MAP7D1: variants seen among roughly 807,000 people sequenced by gnomAD.
MAP7D1 encodes the protein MAP7 domain-containing protein 1.
MAP7D1 carries 30 observed loss-of-function variants against 97.5 expected under a neutral mutation model. That is an observed-to-expected ratio of 0.31 (90% CI 0.23 to 0.42). MAP7D1 has a LOEUF of 0.42. MAP7D1 is among the 10% of genes least tolerant of loss of function. The probability of loss-of-function intolerance (pLI) is 1.00; values close to 1 mark genes in which losing one functional copy is unlikely to be tolerated. For synonymous variants in MAP7D1, 536 were observed against 477.1 expected (o/e 1.12, Z -1.61); for missense variants, 1,184 against 1,179.5 (o/e 1.00, Z -0.06).
intron 14 of MAP7D1, 34 bp downstream of exon 14, chr1:36,179,591 T>G: frequency 6.4e-7 from 1 of 1,555,316 alleles, no homozygotes; most frequent in Non-Finnish European, 8.7e-7. Flanking sequence ...TCCCTTCCCT[T>G]TGCCATCCTC....
At position 36,178,779 on chromosome 1, in the gene MAP7D1, A is replaced by G; in HGVS notation, c.1981A>G (p.Lys661Glu). The change falls in exon 11 of 17, where the codon AAG becomes GAG. Residue 661 changes from lysine (K) to glutamate (E), a missense_variant. Lys to Glu is a moderately conservative substitution (Grantham distance 56). Coordinates refer to ENST00000474796, the MANE Select transcript of MAP7D1 (RefSeq NM_001388490.1). ...RRREEQEARE[K>E]AQAEQEEQER... ...GCGGGAGGAGCAGGAGGCACGAGAG[A>G]AGGCGCAGGCCGAGCAGGAGGAGCA... 1 of 1,547,186 alleles carries G rather than the reference A, an allele frequency of 6.5e-7. No homozygotes were observed. Among genetic ancestry groups the G allele is most frequent in the Non-Finnish European group, 8.7e-7 (1 of 1,145,720 alleles).
rs1379375584 is a variant in MAP7D1 at position 36,178,542 on chromosome 1, G to T, written c.1832G>T (p.Arg611Leu). The T allele has an allele frequency of 6.3e-7, 1 of 1,597,430 alleles. No homozygotes were observed. Among genetic ancestry groups the T allele is most frequent in the Non-Finnish European group, 8.5e-7 (1 of 1,172,900 alleles). ...TTGGCTGAGAAGCGGCGCCAGGCCC[G>T]GGAGCAGCGGGAGCGCGAGGAGCAG... Reference protein sequence around the residue: ...RLLAEKRRQAREQREREEQER... With the variant: ...RLLAEKRRQALEQREREEQER... Residue 611 changes from arginine to leucine, a missense_variant, in exon 10 of 17, where the codon CGG (arginine) becomes CTG (leucine). By Grantham distance (102) the Arg-to-Leu change is moderately radical. Transcript: ENST00000474796.
In MAP7D1 at chr1:36,176,170, A is replaced by G. The variant is rs1044723985; in HGVS notation, c.851-29A>G. On this transcript the variant is annotated intron_variant, in intron 6 of 16. Transcript: ENST00000474796. This position sits in a 1 kb window ranked among gnomAD's most constrained non-coding sequence, Gnocchi z 6.1. ...CCTGCCTCCTACGGCCCCCACGGTG[A>G]CCGGCTTCGCCTGGCCTTCTACCCC... 2 of 1,599,718 alleles carry G rather than the reference A, an allele frequency of 1.3e-6. No individual in the cohort carries two copies. Among genetic ancestry groups the G allele is most frequent in the African/African-American group, 1.3e-5 (1 of 74,130 alleles).
In MAP7D1 at chr1:36,156,479, C is replaced by A; in HGVS notation, c.46+16C>A. ...GCACCCCCAGGTATGCCGGGAGCCA[C>A]GCGGAGGCGAGATGGGGGTAGATGG... On this transcript the variant is annotated intron_variant, in intron 1 of 16. Coordinates refer to ENST00000474796, the MANE Select transcript of MAP7D1 (RefSeq NM_001388490.1). 1.4e-6 allele frequency: 2 copies of A among 1,450,970 alleles called. No homozygotes were observed. Among genetic ancestry groups the A allele is most frequent in the Non-Finnish European group, 9.0e-7 (1 of 1,108,532 alleles). 89.9% of individuals were successfully genotyped at this position (1,450,970 alleles called of 1,614,324 possible).
chr1:36,156,767 C>G (rs1220523029), intron 1 of MAP7D1, among the ~76,000 whole-genome samples: 1 of 152,070 alleles, frequency 6.6e-6, no homozygotes, highest in African/African-American at 2.4e-5. Context: ...TTCCCCGCCC[C>G]CACGTCCCTT....
intron 5 of MAP7D1, among the ~76,000 whole-genome samples, chr1:36,173,887 T>G (rs1400817543): frequency 6.6e-6 from 1 of 152,226 alleles, no homozygotes; most frequent in African/African-American, 2.4e-5. Context: ...GGTCTGATTC[T>G]TTGCTGGCAT....
At chr1:36,161,109 A>G (rs929286958) in intron 1 of MAP7D1, among the ~76,000 whole-genome samples, 15 of 152,238 alleles carry the variant, frequency 9.9e-5, no homozygotes, top group African/African-American at 3.6e-4. Context: ...CAGCCGGGCC[A>G]GAGAGCTCCT....
At chr1:36,169,417 G>C (rs1246779960) in intron 1 of MAP7D1, among the ~76,000 whole-genome samples, 1 of 152,208 alleles carries the variant, frequency 6.6e-6, no homozygotes, top group Non-Finnish European at 1.5e-5. Flanking sequence ...TTAGCCAGGC[G>C]TGGTGGCGGG....
At position 36,176,375 on chromosome 1, in the gene MAP7D1, C is replaced by G. The variant is rs1196321815; in HGVS notation, c.1027C>G (p.Leu343Val). Residue 343 changes from leucine (L) to valine (V), a missense_variant, in exon 7 of 17, where the codon CTG becomes GTG. Transcript: ENST00000474796. The surrounding 1 kb of genome is among the most constrained non-coding windows in gnomAD (Gnocchi z 6.1). ...GPTWGRAGAS[L>V]ARGPQPDRTH... ...CACGTGGGGCCGGGCAGGGGCCAGCCTGGCGCGCGGGCCGCAACCCGACCG... is the reference window on the plus strand; with the variant it reads ...CACGTGGGGCCGGGCAGGGGCCAGCGTGGCGCGCGGGCCGCAACCCGACCG... The G allele has an allele frequency of 3.9e-6, 6 of 1,524,040 alleles. No homozygotes were observed. The highest frequency in any genetic ancestry group is 5.0e-5 in the East Asian group (2 of 39,682). The allele number at this position is 1,524,040 out of a possible 1,614,324, so 94.4% of individuals were successfully genotyped here.
rs767849679 is a variant in MAP7D1 at position 36,176,388 on chromosome 1, C to T, written c.1040C>T (p.Pro347Leu). ...GRAGASLARG[P>L]QPDRTHPSAA... Reference sequence around the variant, plus strand: ...GCAGGGGCCAGCCTGGCGCGCGGGCCGCAACCCGACCGCACTCATCCCTCT... The same window carrying T: ...GCAGGGGCCAGCCTGGCGCGCGGGCTGCAACCCGACCGCACTCATCCCTCT... Residue 347 changes from proline (P) to leucine (L), a missense_variant, in exon 7 of 17, where the codon CCG becomes CTG. Pro to Leu is a moderately conservative substitution (Grantham distance 98). Transcript: ENST00000474796. The surrounding 1 kb of genome is among the most constrained non-coding windows in gnomAD (Gnocchi z 6.1). 2.0e-6 allele frequency: 3 copies of T among 1,526,264 alleles called. No homozygotes were observed. Among genetic ancestry groups the T allele is most frequent in the Admixed American group, 2.0e-5 (1 of 49,854 alleles). 94.5% of individuals were successfully genotyped at this position (1,526,264 alleles called of 1,614,324 possible). A position where few individuals can be genotyped will look rare whatever the true frequency, so the allele number is the denominator to read the frequency against.
intron 1 of MAP7D1, among the ~76,000 whole-genome samples, chr1:36,161,416 G>T (rs984715490): frequency 3.9e-5 from 6 of 152,230 alleles, no homozygotes. Context: ...CTGGGATGCA[G>T]GCAGGGTAAA....
In MAP7D1 at chr1:36,176,462, C is replaced by T; in HGVS notation, c.1114C>T (p.Pro372Ser). 6.7e-7 allele frequency: 1 copy of T among 1,496,816 alleles called. No individual in the cohort carries two copies. Among genetic ancestry groups the T allele is most frequent in the Non-Finnish European group, 8.9e-7 (1 of 1,129,620 alleles). The allele number at this position is 1,496,816 out of a possible 1,614,324, so 92.7% of individuals were successfully genotyped here. ...PRSASASPLT[P>S]CSVTRSVHRC... ...CTCGGCCTCCGCCAGCCCCCTGACG[C>T]CGTGCAGCGTCACCCGAAGCGTGCA... Residue 372 changes from proline (P) to serine (S), a missense_variant, in exon 7 of 17, where the codon CCG (proline) becomes TCG (serine). Transcript: ENST00000474796. The surrounding 1 kb of genome is among the most constrained non-coding windows in gnomAD (Gnocchi z 6.1).
intron 1 of MAP7D1, among the ~76,000 whole-genome samples, chr1:36,161,169 C>T (rs938094094): frequency 1.3e-5 from 2 of 152,224 alleles, no homozygotes; most frequent in Admixed American, 6.5e-5. Flanking sequence ...CCACAGAAGC[C>T]GGTGGCCTGG....
At chr1:36,162,052 G>A (rs924047070) in intron 1 of MAP7D1, among the ~76,000 whole-genome samples, 17 of 151,936 alleles carry the variant, frequency 1.1e-4, no homozygotes, top group African/African-American at 4.1e-4. Flanking sequence ...CTGCTCTAGT[G>A]TTGTCACCTA....
In MAP7D1 at chr1:36,170,994, G is replaced by C. The variant is rs1227031817; in HGVS notation, c.70G>C (p.Glu24Gln). Reference protein sequence around the residue: ...PPAVVARTPPEPRPSPEGDPS... With the variant: ...PPAVVARTPPQPRPSPEGDPS... ...AGCTGTGGTCGCCAGGACCCCCCCA[G>C]AGCCAAGACCTTCTCCAGAAGGTGA... Residue 24 changes from glutamate (E) to glutamine (Q), a missense_variant, in exon 2 of 17, where the codon GAG (glutamate) becomes CAG (glutamine). By Grantham distance (29) the Glu-to-Gln change is conservative. Transcript: ENST00000474796. 5.3e-6 allele frequency: 8 copies of C among 1,511,830 alleles called. No homozygotes were observed. The highest frequency in any genetic ancestry group is 1.2e-5 in the South Asian group (1 of 83,608). The allele number at this position is 1,511,830 out of a possible 1,614,324, so 93.7% of individuals were successfully genotyped here.
rs1037292719 is a variant in MAP7D1, at chr1:36,156,546, C to G, written c.46+83C>G. 4 of 1,169,768 alleles carry G rather than the reference C, an allele frequency of 3.4e-6. No individual in the cohort carries two copies. In the South Asian group the frequency reaches 6.4e-5, roughly 19 times the overall value. 72.5% of individuals were successfully genotyped at this position (1,169,768 alleles called of 1,614,324 possible). A position where few individuals can be genotyped will look rare whatever the true frequency, so the allele number is the denominator to read the frequency against. On this transcript the variant is annotated intron_variant, in intron 1 of 16. Transcript: ENST00000474796. Reference sequence around the variant, plus strand: ...CCGAGGATGAGGCCGGCCGGCTGGGCGGGGACCCCTCCGCTGCCGCGCCCT... The same window carrying G: ...CCGAGGATGAGGCCGGCCGGCTGGGGGGGGACCCCTCCGCTGCCGCGCCCT...
rs1644328798 is a variant in MAP7D1, at chr1:36,156,376, CGCCGCCGCT to C, written c.-40_-32del. The stretch of plus-strand genomic sequence containing the variant: ...TGTCCTGGCCACTGGCCGCCGCCGC[CGCCGCCGCT>C]GAGACCCCGAGACCCCCAGTGACGC... On this transcript the variant is annotated 5_prime_UTR_variant, in exon 1 of 17. An upstream open reading frame in the 5' UTR loses its in-frame stop. Coordinates refer to ENST00000474796, the MANE Select transcript of MAP7D1 (RefSeq NM_001388490.1). The C allele has an allele frequency of 6.1e-6, 9 of 1,478,230 alleles. No homozygotes were observed. The highest frequency in any genetic ancestry group is 8.0e-6 in the Non-Finnish European group (9 of 1,120,516). The allele number at this position is 1,478,230 out of a possible 1,614,324, so 91.6% of individuals were successfully genotyped here.
At chr1:36,162,829 GCCAC>G (rs1422154731) in intron 1 of MAP7D1, among the ~76,000 whole-genome samples, 2 of 152,026 alleles carry the variant, frequency 1.3e-5, no homozygotes, top group Non-Finnish European at 2.9e-5. Flanking sequence ...TACATACCCA[GCCAC>G]CCACCCACCC....
At chr1:36,179,599 C>T (rs746938395) in intron 14 of MAP7D1, 42 bp downstream of exon 14, 11 of 1,540,820 alleles carry the variant, frequency 7.1e-6, no homozygotes, top group Middle Eastern at 1.7e-4. Context: ...CTTTGCCATC[C>T]TCCTCCTCCT....
Sources: allele counts gnomAD v4.1 joint callset (sites outside exome capture counted in the v4.1 genomes callset), GRCh38; gene constraint gnomAD v4.1.1; non-coding constraint Gnocchi (gnomAD v3.1); transcripts MANE v1.5; gene names NCBI Gene and HGNC (gene_info 2026-07-23, HGNC 2026-07-21).